Variants in FAM83D observed in about 807,000 individuals in gnomAD.
FAM83D encodes protein FAM83D.
FAM83D carries 26 observed loss-of-function variants against 25.4 expected under a neutral mutation model. The observed-to-expected ratio is 1.02, with a 90% CI of 0.75 to 1.42. The LOEUF is 1.42. FAM83D is among the 40% of genes most tolerant of loss of function. The pLI, the probability that FAM83D is intolerant of heterozygous loss-of-function variation, is 0.00. For synonymous variants in FAM83D, 310 were observed against 318.5 expected (o/e 0.97, Z 0.28); for missense variants, 740 against 758.1 (o/e 0.98, Z 0.28).
chr20:38,952,749 T>G lies in FAM83D; in HGVS notation c.*229T>G. On this transcript the variant is annotated 3_prime_UTR_variant, in exon 4 of 4. Transcript: ENST00000619850. ...AACACTATGGATACAGGGGTTTGTT[T>G]TGCACAATTTTAATAGTCATGCACT... 7.1e-6 allele frequency: 4 copies of G among 563,336 alleles called. No homozygotes were observed. The South Asian group carries it at 9.2e-5, about 13-fold the overall frequency. 34.9% of individuals were successfully genotyped at this position (563,336 alleles called of 1,614,324 possible).
In FAM83D at chr20:38,951,793, C is replaced by T. The variant is rs749312316; in HGVS notation, c.1031C>T (p.Ala344Val). ...LARLSSTPRKADLDPEMPAEG... is the reference protein window; with the variant it reads ...LARLSSTPRKVDLDPEMPAEG... Reference sequence around the variant, plus strand: ...AGGCTGTCAAGTACTCCCAGGAAGGCGGACCTGGACCCAGAGATGCCCGCA... The same window carrying T: ...AGGCTGTCAAGTACTCCCAGGAAGGTGGACCTGGACCCAGAGATGCCCGCA... Residue 344 changes from alanine to valine, a missense_variant, in exon 4 of 4, where the codon GCG becomes GTG. By Grantham distance (64) the Ala-to-Val change is moderately conservative. Around this residue, in one of 3 missense-constraint regions of FAM83D, gnomAD observed 375 missense variants for 403.2 expected, o/e 0.93. Coordinates refer to ENST00000619850, the MANE Select transcript of FAM83D (RefSeq NM_030919.3). The T allele has an allele frequency of 2.8e-5, 46 of 1,614,082 alleles. No homozygotes were observed. Among genetic ancestry groups the T allele is most frequent in the South Asian group, 7.7e-5 (7 of 91,088 alleles).
chr20:38,935,433 T>C (rs2085674697), intron 1 of FAM83D, among the ~76,000 whole-genome samples: 1 of 152,128 alleles, frequency 6.6e-6, no homozygotes, highest in African/African-American at 2.4e-5. Flanking sequence ...ACTTAAATTG[T>C]TTTATTTGGT....
chr20:38,943,706 T>C (rs1014191381), intron 2 of FAM83D, among the ~76,000 whole-genome samples: 1 of 152,216 alleles, frequency 6.6e-6, no homozygotes, highest in Non-Finnish European at 1.5e-5. Context: ...TTGTGTTTTT[T>C]TGAGATGGAA....
At chr20:38,934,493 C>CAAAA (rs34435879) in intron 1 of FAM83D, among the ~76,000 whole-genome samples, 1 of 78,060 alleles carries the variant, frequency 1.3e-5, no homozygotes, top group African/African-American at 4.2e-5. Context: ...AACTCCGTCT[C>CAAAA]AAAAAAAAAA....
chr20:38,942,852 T>C (rs2085708657), intron 2 of FAM83D, among the ~76,000 whole-genome samples: 1 of 152,146 alleles, frequency 6.6e-6, no homozygotes, highest in Admixed American at 6.5e-5. Context: ...GACCTTGGCC[T>C]CTCCCCTGTA....
chr20:38,948,894 A>G (rs1489020207), intron 3 of FAM83D, among the ~76,000 whole-genome samples: 1 of 152,196 alleles, frequency 6.6e-6, no homozygotes, highest in African/African-American at 2.4e-5. Flanking sequence ...AACTTTCTTC[A>G]CCAAAGAGGC....
chr20:38,936,822 G>C (rs1319799460), intron 1 of FAM83D, among the ~76,000 whole-genome samples: 1 of 152,112 alleles, frequency 6.6e-6, no homozygotes, highest in Non-Finnish European at 1.5e-5. Flanking sequence ...GTGCAAGAAG[G>C]CAAGCAGAAA....
At position 38,952,577 on chromosome 20, in the gene FAM83D, T is replaced by C. The variant is rs751906746; in HGVS notation, c.*57T>C. The stretch of plus-strand genomic sequence containing the variant: ...AGGCTTACAGTGGACATCATCAGCT[T>C]CCTGCTTTAAAAAATATCTTATGTC... On this transcript the variant is annotated 3_prime_UTR_variant, in exon 4 of 4. Transcript: ENST00000619850. 276 of 1,534,906 alleles carry C rather than the reference T, an allele frequency of 1.8e-4. No homozygotes were observed. Among genetic ancestry groups the C allele is most frequent in the Non-Finnish European group, 2.4e-4 (268 of 1,140,332 alleles).
In FAM83D at chr20:38,951,879, T is replaced by C. The variant is rs368502958; in HGVS notation, c.1117T>C (p.Tyr373His). The change falls in exon 4 of 4, where the codon TAC (tyrosine) becomes CAC (histidine). Residue 373 changes from tyrosine to histidine, a missense_variant. Tyr to His is a moderately conservative substitution (Grantham distance 83). Transcript: ENST00000619850. ...GTCCTCTACTGTTAGTGAGGAAGAC[T>C]ACTTCAGCAGCCACAGGGACGAGCT... ...CESSTVSEEDYFSSHRDELQS... is the reference protein window; with the variant it reads ...CESSTVSEEDHFSSHRDELQS... The C allele has an allele frequency of 7.4e-6, 12 of 1,614,022 alleles. No homozygotes were observed. The African/African-American group carries it at 1.6e-4, about 22-fold the overall frequency.
At chr20:38,934,520 G>T (rs1196209042) in intron 1 of FAM83D, among the ~76,000 whole-genome samples, 6 of 148,412 alleles carry the variant, frequency 4.0e-5, no homozygotes, top group Non-Finnish European at 5.9e-5. Flanking sequence ...AAAAATTCTT[G>T]ATGCAAATGA....
Position 38,951,720 on chromosome 20 carries a change from C to A in FAM83D, c.958C>A (p.Gln320Lys). 6.2e-7 allele frequency: 1 copy of A among 1,614,230 alleles called. No individual in the cohort carries two copies. The highest frequency in any genetic ancestry group is 1.1e-5 in the South Asian group (1 of 91,080). Residue 320 changes from glutamine to lysine, a missense_variant, in exon 4 of 4, where the codon CAG (glutamine) becomes AAG (lysine). Gln to Lys is a moderately conservative substitution (Grantham distance 53). Around this residue, in one of 3 missense-constraint regions of FAM83D, gnomAD observed 375 missense variants for 403.2 expected, o/e 0.93. Coordinates refer to ENST00000619850, the MANE Select transcript of FAM83D (RefSeq NM_030919.3). ...KFDHLTNRKP[Q>K]SKELTLGNLL... The stretch of plus-strand genomic sequence containing the variant: ...TGATCACCTCACCAACCGAAAACCA[C>A]AGTCCAAGGAGCTCACCCTGGGCAA...
rs2085761448 is a variant in FAM83D, at chr20:38,952,554, G to A, written c.*34G>A. 1 of 1,579,842 alleles carries A rather than the reference G, an allele frequency of 6.3e-7. No homozygotes were observed. The highest frequency in any genetic ancestry group is 1.2e-5 in the South Asian group (1 of 85,854). On this transcript the variant is annotated 3_prime_UTR_variant, in exon 4 of 4. Coordinates refer to ENST00000619850, the MANE Select transcript of FAM83D (RefSeq NM_030919.3). ...TGTTCAGACTCCTGGTTTCTTCCAG[G>A]CTTACAGTGGACATCATCAGCTTCC...
In FAM83D at chr20:38,926,772, A is replaced by C; in HGVS notation, c.330A>C (p.Pro110=). 1 of 1,547,616 alleles carries C rather than the reference A, an allele frequency of 6.5e-7. No individual in the cohort carries two copies. The highest frequency in any genetic ancestry group is 8.7e-7 in the Non-Finnish European group (1 of 1,152,792). Residue 110 remains proline, a synonymous_variant, in exon 1 of 4, where the codon CCA becomes CCC. Transcript: ENST00000619850. The part of the protein sequence containing the change: ...TYFPEQSDLE[P]PLLELGWPAF... ...TCCCCGAGCAGTCGGACCTGGAGCC[A>C]CCGCTGTTGGAGCTTGGCTGGCCCG... is the stretch of plus-strand genomic sequence containing the variant.
Position 38,951,642 on chromosome 20 carries a change from TC to T in FAM83D, c.882del (p.Lys295SerfsTer108). 5.0e-6 allele frequency: 8 copies of T among 1,614,186 alleles called. No individual in the cohort carries two copies. Among genetic ancestry groups the T allele is most frequent in the Non-Finnish European group, 5.9e-6 (7 of 1,180,032 alleles). ...DLEFRILYAQSKPISPKLLSH... is the reference protein window; with the variant it reads ...DLEFRILYAQXKPISPKLLSH... ...GGAGTTCCGAATCCTGTATGCCCAG[TC>T]CAAGCCCATCAGCCCCAAACTCCTG... On this transcript the variant is annotated frameshift_variant, in exon 4 of 4. Transcript: ENST00000619850. LOFTEE classifies it low-confidence loss of function (END_TRUNC).
intron 2 of FAM83D, 29 bp downstream of exon 2, chr20:38,942,155 C>A: frequency 6.2e-7 from 1 of 1,610,982 alleles, no homozygotes; most frequent in South Asian, 1.1e-5. Context: ...CCAGTTTCAC[C>A]ATAGTCAACA....
In FAM83D at chr20:38,948,073, C is replaced by A. The variant is rs141492022; in HGVS notation, c.776+73C>A. ...GAAGCATGTCATGTAAAGGTAAAAG[C>A]CTTTTCCTCTCAATGGGAGCCTGTA... On this transcript the variant is annotated intron_variant, in intron 3 of 3. Coordinates refer to ENST00000619850, the MANE Select transcript of FAM83D (RefSeq NM_030919.3). The A allele has an allele frequency of 2.8e-4, 431 of 1,559,084 alleles. 2 individuals carry two copies. In the African/African-American group the frequency reaches 5.4e-3, roughly 20 times the overall value.
chr20:38,931,937 G>A (rs1259011495), intron 1 of FAM83D, among the ~76,000 whole-genome samples: 1 of 152,224 alleles, frequency 6.6e-6, no homozygotes, highest in Non-Finnish European at 1.5e-5. Flanking sequence ...AAGTAGTTCA[G>A]GTGATTCTGT....
Position 38,951,930 on chromosome 20 carries a change from G to A in FAM83D, c.1168G>A (p.Ala390Thr). ...CCAGAGCAGAAAGGCCATTGACGCT[G>A]CCACTCAAACAGAGCCAGGAGAGGA... ...ELQSRKAIDA[A>T]TQTEPGEEMP... The change falls in exon 4 of 4, where the codon GCC (alanine) becomes ACC (threonine). Residue 390 changes from alanine (A) to threonine (T), a missense_variant. Ala to Thr is a moderately conservative substitution (Grantham distance 58). Around this residue, in one of 3 missense-constraint regions of FAM83D, gnomAD observed 375 missense variants for 403.2 expected, o/e 0.93. Coordinates refer to ENST00000619850, the MANE Select transcript of FAM83D (RefSeq NM_030919.3). The A allele has an allele frequency of 6.2e-7, 1 of 1,614,168 alleles. No homozygotes were observed. The highest frequency in any genetic ancestry group is 8.5e-7 in the Non-Finnish European group (1 of 1,180,032).
chr20:38,935,119 A>G (rs2085673468), intron 1 of FAM83D, among the ~76,000 whole-genome samples: 1 of 152,230 alleles, frequency 6.6e-6, no homozygotes, highest in Admixed American at 6.5e-5. Flanking sequence ...TATTATCTCA[A>G]TGGGGAGGAG....
Sources: gnomAD v4.1 joint callset for allele counts (sites outside exome capture counted in the v4.1 genomes callset) on GRCh38, gnomAD v4.1.1 for gene constraint, gnomAD v4.1.1 regional missense constraint, MANE v1.5 for transcripts, NCBI Gene and HGNC (gene_info 2026-07-23, HGNC 2026-07-21) for gene names.